The following SLCO3A1 variants were observed in gnomAD, a reference collection of about 807,000 sequenced individuals.
The protein encoded by SLCO3A1 is PGE1 transporter.
A neutral mutation model predicts 63.1 loss-of-function variants in SLCO3A1; 27 were observed. The observed-to-expected ratio is 0.43, with a 90% CI of 0.32 to 0.59. The LOEUF (loss-of-function observed/expected upper bound fraction) is 0.59. Among genes scored for constraint, SLCO3A1 ranks in the 20% least tolerant of loss-of-function variants. The pLI is 0.09. For synonymous variants in SLCO3A1, 473 were observed against 409.9 expected, an observed-to-expected ratio of 1.15 and a Z score of -1.86; for missense variants, 773 against 945.8, an observed-to-expected ratio of 0.82 and a Z score of 2.40.
chr15:91,957,108 A>AATATATAG (rs376102636), intron 2 of SLCO3A1, among the ~76,000 whole-genome samples: 1 of 5,498 alleles, frequency 1.8e-4, no homozygotes, highest in Non-Finnish European at 2.3e-4. Context: ...TATAATATAT[A>AATATATAG]TATATATAAT....
At chr15:92,125,923 A>G in intron 5 of SLCO3A1, 138 bp from the exon 6 acceptor site, 1 of 690,822 alleles carries the variant, frequency 1.4e-6, no homozygotes, top group Non-Finnish European at 2.6e-6. Context: ...TGAAGACTCC[A>G]GGGTCCCATG....
chr15:91,996,245 T>A (rs1278853348), intron 2 of SLCO3A1, among the ~76,000 whole-genome samples: 1 of 152,150 alleles, frequency 6.6e-6, no homozygotes, highest in African/African-American at 2.4e-5. Context: ...ATATTTATGC[T>A]AGTAATCAAA....
intron 1 of SLCO3A1, among the ~76,000 whole-genome samples, chr15:91,907,778 G>A (rs539005286): frequency 2.6e-5 from 4 of 152,176 alleles, no homozygotes; most frequent in Admixed American, 2.6e-4. Flanking sequence ...CACCCGTCTC[G>A]GCCTCCCAAA....
chr15:92,073,038 C>T (rs1448985336), intron 2 of SLCO3A1, among the ~76,000 whole-genome samples: 2 of 152,034 alleles, frequency 1.3e-5, no homozygotes, highest in African/African-American at 2.4e-5. Flanking sequence ...CATTCAGATC[C>T]CACCCCTTTC....
At chr15:92,080,970 G>A (rs945748631) in intron 2 of SLCO3A1, among the ~76,000 whole-genome samples, 1 of 138,246 alleles carries the variant, frequency 7.2e-6, no homozygotes, top group Admixed American at 6.9e-5. Context: ...GTGTGTGTGT[G>A]TGTGTGTGTG....
At chr15:92,069,523 G>A (rs896073472) in intron 2 of SLCO3A1, among the ~76,000 whole-genome samples, 2 of 152,292 alleles carry the variant, frequency 1.3e-5, no homozygotes, top group Non-Finnish European at 2.9e-5. Context: ...ACTACGCAAG[G>A]GAGGTGTCAC....
At chr15:91,874,039 A>G (rs1421805898) in intron 1 of SLCO3A1, among the ~76,000 whole-genome samples, 1 of 152,134 alleles carries the variant, frequency 6.6e-6, no homozygotes, top group Non-Finnish European at 1.5e-5. Flanking sequence ...GACCCCTGAT[A>G]TGGATGCCTG....
At chr15:91,959,801 A>G (rs1020375293) in intron 2 of SLCO3A1, among the ~76,000 whole-genome samples, 5 of 152,084 alleles carry the variant, frequency 3.3e-5, no homozygotes, top group African/African-American at 1.2e-4. Flanking sequence ...GAGTTGTGCA[A>G]CCATTAGCAC....
At chr15:92,048,504 C>T (rs751867628) in intron 2 of SLCO3A1, among the ~76,000 whole-genome samples, 7 of 152,136 alleles carry the variant, frequency 4.6e-5, no homozygotes, top group Non-Finnish European at 8.8e-5. Context: ...TTGGAAGTGA[C>T]CTGTGTAGAA....
chr15:92,157,773 C>T (rs541700919), intron 9 of SLCO3A1, among the ~76,000 whole-genome samples: 1 of 152,316 alleles, frequency 6.6e-6, no homozygotes, highest in Non-Finnish European at 1.5e-5. Flanking sequence ...CAAACAGCAG[C>T]AAGGGAACCA....
intron 9 of SLCO3A1, 68 bp downstream of exon 9, chr15:92,151,082 T>C: frequency 9.5e-7 from 1 of 1,055,554 alleles, no homozygotes. Context: ...TAACTGTCAG[T>C]CAAATTATCC....
At chr15:92,068,159 C>T (rs932122101) in intron 2 of SLCO3A1, among the ~76,000 whole-genome samples, 13 of 152,136 alleles carry the variant, frequency 8.5e-5, no homozygotes, top group African/African-American at 1.4e-4. Context: ...TACTGCCAAG[C>T]GAAATCAGAT....
At chr15:91,957,069 T>TATATA (rs1900240631) in intron 2 of SLCO3A1, among the ~76,000 whole-genome samples, 1 of 8,860 alleles carries the variant, frequency 1.1e-4, no homozygotes, top group Non-Finnish European at 2.0e-4. Flanking sequence ...CTATATATTA[T>TATATA]ATATATACTA....
chr15:91,969,030 C>G (rs1900762132), intron 2 of SLCO3A1, among the ~76,000 whole-genome samples: 1 of 152,300 alleles, frequency 6.6e-6, no homozygotes, highest in African/African-American at 2.4e-5. Flanking sequence ...GCACTGTCAC[C>G]TTGCATCATT....
chr15:92,054,335 A>G (rs2046996443), intron 2 of SLCO3A1, among the ~76,000 whole-genome samples: 2 of 152,184 alleles, frequency 1.3e-5, no homozygotes, highest in Admixed American at 1.3e-4. Context: ...ATTTCCCTGC[A>G]CACTTCTATG....
intron 2 of SLCO3A1, among the ~76,000 whole-genome samples, chr15:91,989,175 C>T (rs984646575): frequency 5.9e-5 from 9 of 152,170 alleles, no homozygotes; most frequent in African/African-American, 2.2e-4. Flanking sequence ...ATTAACCTGC[C>T]GCAAATGTGT....
rs551081319 is a variant in SLCO3A1, at chr15:91,973,072, G to A, written c.646+56614G>A. ...AGAGGTTGCAGTGAGCCGAGATCAC[G>A]CCATTGCACTCCAGTCTGGCAACAG... On this transcript the variant is annotated intron_variant, in intron 2 of 9. Transcript: ENST00000318445. Among the ~76,000 whole-genome samples, 903 of 152,320 alleles carry A rather than the reference G, an allele frequency of 5.9e-3. 6 individuals are homozygous for A. The highest frequency in any genetic ancestry group is 0.024 in the South Asian group (118 of 4,824).
In SLCO3A1 at chr15:91,968,214, G is replaced by C. The variant is rs1044655225; in HGVS notation, c.646+51756G>C. 2.6e-5 allele frequency among the ~76,000 whole-genome samples: 4 copies of C among 152,074 alleles called. No homozygotes were observed. The highest frequency in any genetic ancestry group is 5.9e-5 in the Non-Finnish European group (4 of 68,012). ...CCCTGAGTTTCAGTGCCGGATCAGA[G>C]ACTGGAAAAGTCTGTATGCCCCCTC... On this transcript the variant is annotated intron_variant, in intron 2 of 9. Coordinates refer to ENST00000318445, the MANE Select transcript of SLCO3A1 (RefSeq NM_013272.4). This position sits in a 1 kb window ranked among gnomAD's most constrained non-coding sequence, Gnocchi z 4.2.
intron 2 of SLCO3A1, among the ~76,000 whole-genome samples, chr15:91,953,895 G>C (rs994542913): frequency 1.3e-5 from 2 of 152,182 alleles, no homozygotes; most frequent in Admixed American, 6.5e-5. Flanking sequence ...TTCTGAGGTG[G>C]AGGATGGGAA....
Sources: gnomAD v4.1 joint callset for allele counts (sites outside exome capture counted in the v4.1 genomes callset) on GRCh38, gnomAD v4.1.1 for gene constraint, Gnocchi (gnomAD v3.1) non-coding constraint, MANE v1.5 for transcripts, NCBI Gene and HGNC (gene_info 2026-07-23, HGNC 2026-07-21) for gene names.